The following PRPSAP1 variants were observed in gnomAD, a reference collection of about 807,000 sequenced individuals.
PRPSAP1 encodes the protein phosphoribosyl pyrophosphate synthase-associated protein 1.
In PRPSAP1, 31 loss-of-function variants were observed where a neutral mutation model predicts 39.4. The ratio of observed to expected loss-of-function variants is 0.79; its 90% CI spans 0.59 to 1.06. The LOEUF (loss-of-function observed/expected upper bound fraction) is 1.06, where lower values mean the gene tolerates loss of function less well. PRPSAP1 is among the 50% of genes least tolerant of loss of function. PRPSAP1 has a pLI of 0.00. For synonymous variants in PRPSAP1, 212 were observed against 192.6 expected (o/e 1.10, Z -0.83); for missense variants, 430 against 511.6 (o/e 0.84, Z 1.54).
chr17:76,353,826 T>C lies in PRPSAP1; in HGVS notation c.-123A>G. On this transcript the variant is annotated 5_prime_UTR_variant, in exon 1 of 10. Coordinates refer to ENST00000446526, the MANE Select transcript of PRPSAP1 (RefSeq NM_002766.3). ...GAAACTCGGCGCAAGCGGGGAGAGC[T>C]CCGAGGTCCGTGCCCTTGCGCACCC... 3 of 1,380,702 alleles carry C rather than the reference T, an allele frequency of 2.2e-6. No individual in the cohort carries two copies. Among genetic ancestry groups the C allele is most frequent in the Non-Finnish European group, 2.8e-6 (3 of 1,075,604 alleles). 85.5% of individuals were successfully genotyped at this position (1,380,702 alleles called of 1,614,324 possible).
chr17:76,353,754 G>T lies in PRPSAP1; in HGVS notation c.-51C>A. ...CCGGCCCCGCGCGGGGCTGCACTCTGAGTGCTTCCGACTGCGAGACCCCGG... is the reference window on the plus strand; with the variant it reads ...CCGGCCCCGCGCGGGGCTGCACTCTTAGTGCTTCCGACTGCGAGACCCCGG... On this transcript the variant is annotated 5_prime_UTR_variant, in exon 1 of 10. Coordinates refer to ENST00000446526, the MANE Select transcript of PRPSAP1 (RefSeq NM_002766.3). The T allele has an allele frequency of 7.1e-7, 1 of 1,400,560 alleles. No individual in the cohort carries two copies. Among genetic ancestry groups the T allele is most frequent in the Non-Finnish European group, 9.2e-7 (1 of 1,085,870 alleles). 86.8% of individuals were successfully genotyped at this position (1,400,560 alleles called of 1,614,324 possible). A position where few individuals can be genotyped will look rare whatever the true frequency, so the allele number is the denominator to read the frequency against.
intron 4 of PRPSAP1, among the ~76,000 whole-genome samples, chr17:76,331,024 G>A (rs981025349): frequency 6.6e-6 from 1 of 152,164 alleles, no homozygotes; most frequent in South Asian, 2.1e-4. Flanking sequence ...TTAAAAGAAA[G>A]GATAAAGAAC....
chr17:76,349,258 C>T (rs570753732), intron 1 of PRPSAP1, among the ~76,000 whole-genome samples: 2 of 150,802 alleles, frequency 1.3e-5, no homozygotes, highest in Non-Finnish European at 2.9e-5. Flanking sequence ...GAGCCGAGAT[C>T]GCGCCATTGC....
In PRPSAP1 at chr17:76,353,678, G is replaced by A. The variant is rs773197500; in HGVS notation, c.26C>T (p.Pro9Leu). The change falls in exon 1 of 10, where the codon CCC (proline) becomes CTC (leucine). Residue 9 changes from proline (P) to leucine (L), a missense_variant. Around this residue, in one of 2 missense-constraint regions of PRPSAP1, gnomAD observed 152 missense variants for 135.2 expected, o/e 1.12. Coordinates refer to ENST00000446526, the MANE Select transcript of PRPSAP1 (RefSeq NM_002766.3). MPKKLLLL[P>L]PPSASSAFRV... is the part of the protein sequence containing the mutation. ...GAAAGCCGAGGACGCGGAGGGCGGG[G>A]GCAACAGCAGCAGCTTCTTGGGCAT... 1 of 1,513,792 alleles carries A rather than the reference G, an allele frequency of 6.6e-7. No individual in the cohort carries two copies. 93.8% of individuals were successfully genotyped at this position (1,513,792 alleles called of 1,614,324 possible). A position where few individuals can be genotyped will look rare whatever the true frequency, so the allele number is the denominator to read the frequency against.
intron 1 of PRPSAP1, 100 bp downstream of exon 1, chr17:76,353,434 G>A (rs114276513): frequency 0.078 from 92,661 of 1,191,624 alleles, 3,990 homozygotes; most frequent in African/African-American, 0.16. Flanking sequence ...CCCGCCCCAG[G>A]TGCAGGAGGT....
chr17:76,348,677 A>G, intron 1 of PRPSAP1, 96 bp from the exon 2 acceptor site: 1 of 897,748 alleles, frequency 1.1e-6, no homozygotes, highest in East Asian at 3.2e-5. Context: ...GACTCAAATA[A>G]TTAAGCTGCC....
At chr17:76,346,010 A>G (rs2071496962) in intron 2 of PRPSAP1, 3 of 462,350 alleles carry the variant, frequency 6.5e-6, no homozygotes, top group East Asian at 6.0e-5. Flanking sequence ...CAAGGGAAAA[A>G]GGAAAAAGCT....
intron 9 of PRPSAP1, 81 bp from the exon 10 acceptor site, chr17:76,311,781 A>G: frequency 6.8e-7 from 1 of 1,465,516 alleles, no homozygotes; most frequent in Non-Finnish European, 9.2e-7. Flanking sequence ...CTTATCTAAC[A>G]TTGAGTTCCC....
rs531977885 is a variant in PRPSAP1, at chr17:76,340,619, G to A, written c.290+4052C>T. Among the ~76,000 whole-genome samples, 25 of 151,132 alleles carry A rather than the reference G, an allele frequency of 1.7e-4. 2 individuals are homozygous for A. Among genetic ancestry groups the A allele is most frequent in the African/African-American group, 4.4e-4 (18 of 40,496 alleles). ...GAAATAACCATGAACGGCCTCGCAC[G>A]GTGGCTCGCGCCTGTAATGCCAGCA... On this transcript the variant is annotated intron_variant, in intron 3 of 9. Transcript: ENST00000446526.
At position 76,348,560 on chromosome 17, in the gene PRPSAP1, C is replaced by T. The variant is rs756241616; in HGVS notation, c.192G>A (p.Gly64=). The T allele has an allele frequency of 7.8e-6, 12 of 1,529,368 alleles. No individual in the cohort carries two copies. Among genetic ancestry groups the T allele is most frequent in the Middle Eastern group, 3.4e-4 (2 of 5,800 alleles). The allele number at this position is 1,529,368 out of a possible 1,614,324, so 94.7% of individuals were successfully genotyped here. A position where few individuals can be genotyped will look rare whatever the true frequency, so the allele number is the denominator to read the frequency against. ...RITERLGAEL[G]KSVVYQETNG... is the part of the protein sequence containing the mutation. ...TGGTCTCTTGATATACAACAGACTT[C>T]CCCAATTCAGCACCAAGGCGCCTAT... The change falls in exon 2 of 10, where the codon GGG becomes GGA. Residue 64 remains glycine, a synonymous_variant. Coordinates refer to ENST00000446526, the MANE Select transcript of PRPSAP1 (RefSeq NM_002766.3).
At chr17:76,331,026 A>AT (rs1328445595) in intron 4 of PRPSAP1, among the ~76,000 whole-genome samples, 4 of 152,240 alleles carry the variant, frequency 2.6e-5, no homozygotes, top group Non-Finnish European at 5.9e-5. Context: ...AAAAGAAAGG[A>AT]TAAAGAACTG....
At chr17:76,335,608 G>A (rs1438750716) in intron 3 of PRPSAP1, among the ~76,000 whole-genome samples, 2 of 151,898 alleles carry the variant, frequency 1.3e-5, no homozygotes, top group East Asian at 3.9e-4. Context: ...AACCGCCTCG[G>A]CCTCCCAAAG....
chr17:76,339,179 T>C lies in PRPSAP1; in HGVS notation c.290+5492A>G, dbSNP rs1454260435. On this transcript the variant is annotated intron_variant, in intron 3 of 9. Coordinates refer to ENST00000446526, the MANE Select transcript of PRPSAP1 (RefSeq NM_002766.3). Reference sequence around the variant, plus strand: ...CAGCACTTTGGGAGGCCAAGGCGGGTGGATCACCTGAGGTCAGGAGTTTGA... The same window carrying C: ...CAGCACTTTGGGAGGCCAAGGCGGGCGGATCACCTGAGGTCAGGAGTTTGA... Among the ~76,000 whole-genome samples the C allele has an allele frequency of 6.0e-3, 898 of 150,488 alleles. 17 individuals are homozygous for C. The highest frequency in any genetic ancestry group is 0.021 in the African/African-American group (861 of 40,054).
intron 3 of PRPSAP1, among the ~76,000 whole-genome samples, chr17:76,334,072 G>A (rs1323423992): frequency 6.6e-6 from 1 of 152,116 alleles, no homozygotes; most frequent in Non-Finnish European, 1.5e-5. Context: ...CCTTTAAAAA[G>A]GGGTGAGAGC....
chr17:76,340,145 C>CAAA (rs71161288), intron 3 of PRPSAP1, among the ~76,000 whole-genome samples: 6 of 77,772 alleles, frequency 7.7e-5, no homozygotes, highest in Non-Finnish European at 1.4e-4. Context: ...GGCCTTGTCT[C>CAAA]AAAAAAAAAA....
Position 76,353,631 on chromosome 17 carries a change from C to G in PRPSAP1, c.73G>C (p.Val25Leu). ...SAFRVPRARP[V>L]PPPAMNAART... ...GCGGCGTTCATGGCCGGCGGGGGAA[C>G]GGGGCGGGCGCGCGGGACGCGGAAA... The change falls in exon 1 of 10, where the codon GTT becomes CTT. Residue 25 changes from valine (V) to leucine (L), a missense_variant. Val to Leu is a conservative substitution (Grantham distance 32, BLOSUM62 1). Coordinates refer to ENST00000446526, the MANE Select transcript of PRPSAP1 (RefSeq NM_002766.3). 2 of 1,542,038 alleles carry G rather than the reference C, an allele frequency of 1.3e-6. No individual in the cohort carries two copies. Among genetic ancestry groups the G allele is most frequent in the Non-Finnish European group, 8.7e-7 (1 of 1,150,050 alleles).
chr17:76,323,970 A>T (rs759462819), intron 7 of PRPSAP1, among the ~76,000 whole-genome samples: 6 of 151,224 alleles, frequency 4.0e-5, no homozygotes, highest in Non-Finnish European at 8.8e-5. Flanking sequence ...ACATGGTAAA[A>T]CCCTGTCTCT....
At chr17:76,330,421 G>T in intron 5 of PRPSAP1, 130 bp downstream of exon 5, 1 of 690,598 alleles carries the variant, frequency 1.4e-6, no homozygotes. Flanking sequence ...GACCCTGTCT[G>T]CTGCCTCAGG....
At chr17:76,348,330 G>A (rs543240209) in intron 2 of PRPSAP1, among the ~76,000 whole-genome samples, 199 bp downstream of exon 2, 230 of 151,636 alleles carry the variant, frequency 1.5e-3, no homozygotes, top group African/African-American at 5.1e-3. Flanking sequence ...AAAATTAGCC[G>A]GGTGTGGTGG....
Sources: allele counts gnomAD v4.1 joint callset (sites outside exome capture counted in the v4.1 genomes callset), GRCh38; gene constraint gnomAD v4.1.1; regional missense constraint gnomAD v4.1.1; transcripts MANE v1.5; gene names NCBI Gene and HGNC (gene_info 2026-07-23, HGNC 2026-07-21).